IDO2: variants seen among roughly 807,000 people sequenced by gnomAD.
The protein encoded by IDO2 is indoleamine 2,3-dioxygenase-like 1 protein.
In IDO2, 46 loss-of-function variants were observed where a neutral mutation model predicts 45.1. The observed-to-expected ratio is 1.02, with a 90% CI of 0.80 to 1.30. The LOEUF is 1.30. Ranked by LOEUF, IDO2 falls within the 50% of genes most tolerant of loss-of-function variation. The probability of loss-of-function intolerance (pLI) is 0.00; values close to 1 mark genes in which losing one functional copy is unlikely to be tolerated. For missense variants in IDO2, 544 were observed against 491.8 expected, an observed-to-expected ratio of 1.11 and a Z score of -1.00; for synonymous variants, 218 against 184.9, an observed-to-expected ratio of 1.18 and a Z score of -1.45.
In IDO2 at chr8:39,993,986, G is replaced by A. The variant is rs536745517; in HGVS notation, c.667+4148G>A. Reference sequence around the variant, plus strand: ...CCTGCCACTGCACTCCAGCCTGGGCGACAGAGTGAGACTCTGTCCCCAAAA... The same window carrying A: ...CCTGCCACTGCACTCCAGCCTGGGCAACAGAGTGAGACTCTGTCCCCAAAA... On this transcript the variant is annotated intron_variant, in intron 8 of 10. Coordinates refer to ENST00000502986, the Ensembl canonical transcript of IDO2. 1.6e-4 allele frequency among the ~76,000 whole-genome samples: 24 copies of A among 152,132 alleles called. 1 individual carries two copies. The South Asian group carries it at 4.2e-3, about 26-fold the overall frequency.
chr8:39,971,975 A>AT (rs1466401889), intron 3 of IDO2, among the ~76,000 whole-genome samples: 2 of 151,924 alleles, frequency 1.3e-5, no homozygotes, highest in African/African-American at 2.4e-5. Flanking sequence ...TGCCCACCTA[A>AT]TTTTTTGTAT....
intron 9 of IDO2, among the ~76,000 whole-genome samples, chr8:40,011,362 A>G (rs565066421): frequency 1.4e-4 from 22 of 152,374 alleles, no homozygotes; most frequent in African/African-American, 5.3e-4. Flanking sequence ...AAATGACTAC[A>G]TAAGACCATC....
At chr8:39,947,586 T>G (rs28841363) in intron 1 of IDO2, among the ~76,000 whole-genome samples, 1 of 151,878 alleles carries the variant, frequency 6.6e-6, no homozygotes, top group African/African-American at 2.4e-5. Context: ...GCTAGCCAAT[T>G]GGGACAAATA....
intron 8 of IDO2, among the ~76,000 whole-genome samples, chr8:39,991,375 A>G (rs184824837): frequency 6.6e-6 from 1 of 152,284 alleles, no homozygotes; most frequent in Admixed American, 6.5e-5. Flanking sequence ...GCCTGAGTCC[A>G]TCACTTAGGA....
intron 2 of IDO2, among the ~76,000 whole-genome samples, chr8:39,952,913 C>T (rs1415796234): frequency 6.6e-6 from 1 of 151,960 alleles, no homozygotes; most frequent in Non-Finnish European, 1.5e-5. Flanking sequence ...GGATTACAGG[C>T]ATGAGCCACC....
At chr8:40,002,397 C>A (rs939036135) in intron 8 of IDO2, among the ~76,000 whole-genome samples, 7 of 152,172 alleles carry the variant, frequency 4.6e-5, no homozygotes, top group Non-Finnish European at 7.3e-5. Context: ...TCAAGCAGAG[C>A]AAACCCCGTC....
At chr8:39,985,621 TATA>T (rs1808411499) in intron 6 of IDO2, 99 bp downstream of exon 6, 1 of 925,520 alleles carries the variant, frequency 1.1e-6, no homozygotes, top group Non-Finnish European at 1.7e-6. Flanking sequence ...ATATGTATAA[TATA>T]ATATCAACCA....
intron 8 of IDO2, among the ~76,000 whole-genome samples, chr8:40,002,602 C>T (rs1350687671): frequency 6.6e-6 from 1 of 151,988 alleles, no homozygotes; most frequent in Non-Finnish European, 1.5e-5. Flanking sequence ...GGAGACCAGC[C>T]TGATGAAACC....
chr8:39,949,871 G>T (rs1023557657), intron 2 of IDO2, among the ~76,000 whole-genome samples: 6 of 152,220 alleles, frequency 3.9e-5, no homozygotes, highest in African/African-American at 1.2e-4. Context: ...TTAAATCTTT[G>T]TGGCAATTTC....
At chr8:39,990,422 A>G (rs1209545939) in intron 8 of IDO2, among the ~76,000 whole-genome samples, 6 of 152,234 alleles carry the variant, frequency 3.9e-5, no homozygotes, top group Admixed American at 3.9e-4. Flanking sequence ...GGGGAAGGCT[A>G]CAAAGAGAGA....
intron 1 of IDO2, among the ~76,000 whole-genome samples, chr8:39,945,800 C>T (rs1220698902): frequency 2.6e-5 from 4 of 152,108 alleles, no homozygotes; most frequent in African/African-American, 7.2e-5. Context: ...GTAGTGAAAC[C>T]GCCTTTGCAA....
At chr8:39,975,975 A>T (rs900010230) in intron 3 of IDO2, among the ~76,000 whole-genome samples, 3 of 152,120 alleles carry the variant, frequency 2.0e-5, no homozygotes, top group Non-Finnish European at 2.9e-5. Context: ...AAAAGCATTC[A>T]AACTAAATAA....
chr8:39,965,037 G>A (rs984201324), intron 3 of IDO2, among the ~76,000 whole-genome samples: 24 of 152,342 alleles, frequency 1.6e-4, no homozygotes, highest in African/African-American at 2.4e-4. Context: ...GTCGTCTGCC[G>A]TAGGCATTTA....
chr8:39,953,974 T>C (rs1224649180), intron 2 of IDO2, among the ~76,000 whole-genome samples: 3 of 152,252 alleles, frequency 2.0e-5, no homozygotes, highest in African/African-American at 7.2e-5. Flanking sequence ...GATTGCCATC[T>C]AACCGAATGC....
At chr8:39,971,629 C>T (rs951593974) in intron 3 of IDO2, among the ~76,000 whole-genome samples, 8 of 151,986 alleles carry the variant, frequency 5.3e-5, no homozygotes, top group South Asian at 2.1e-4. Context: ...TCATGGAGGA[C>T]GTCAAAATAA....
Position 39,949,278 on chromosome 8 carries a change from C to T in IDO2, c.99+14C>T. 1.3e-6 allele frequency: 2 copies of T among 1,564,838 alleles called. No homozygotes were observed. Among genetic ancestry groups the T allele is most frequent in the South Asian group, 1.2e-5 (1 of 85,614 alleles). On this transcript the variant is annotated intron_variant, in intron 2 of 10. Coordinates refer to ENST00000502986, the Ensembl canonical transcript of IDO2. ...CCAGATTCTCTGGTAAGGATAGAGC[C>T]TTGGTAAGGATAGGTCAGAATATGT...
intron 1 of IDO2, among the ~76,000 whole-genome samples, chr8:39,947,792 T>C (rs1322266872): frequency 1.3e-5 from 2 of 151,972 alleles, no homozygotes; most frequent in African/African-American, 2.4e-5. Context: ...TATTTCTTTT[T>C]TTTTTTTTTT....
intron 1 of IDO2, among the ~76,000 whole-genome samples, chr8:39,940,755 T>C (rs4388451): frequency 0.35 from 53,027 of 151,630 alleles, 11,337 homozygotes; most frequent in Non-Finnish European, 0.48. Context: ...CATCCCACCC[T>C]CTGGTAACCA....
At chr8:39,964,221 G>T (rs892565880) in intron 3 of IDO2, among the ~76,000 whole-genome samples, 1 of 152,138 alleles carries the variant, frequency 6.6e-6, no homozygotes, top group African/African-American at 2.4e-5. Flanking sequence ...CTGATACAAA[G>T]GTAATTGCAG....
Sources: allele counts gnomAD v4.1 joint callset (sites outside exome capture counted in the v4.1 genomes callset), GRCh38; gene constraint gnomAD v4.1.1; transcripts MANE v1.5; gene names NCBI Gene and HGNC (gene_info 2026-07-23, HGNC 2026-07-21).